The following CEP85L variants were observed in gnomAD, a reference collection of about 807,000 sequenced individuals.
CEP85L encodes centrosomal protein 85L.
A neutral mutation model predicts 100.3 loss-of-function variants in CEP85L; 60 were observed. The ratio of observed to expected loss-of-function variants is 0.60; its 90% CI spans 0.49 to 0.74. The LOEUF (loss-of-function observed/expected upper bound fraction) is 0.74, where lower values mean the gene tolerates loss of function less well. Ranked by LOEUF, CEP85L falls within the 30% of genes least tolerant of loss-of-function variation. CEP85L has a pLI of 0.00. For synonymous variants in CEP85L, 319 were observed against 322.7 expected (o/e 0.99, Z 0.12); for missense variants, 973 against 936.2 (o/e 1.04, Z -0.51).
chr6:118,580,841 T>C (rs1463271607), intron 2 of CEP85L, among the ~76,000 whole-genome samples: 1 of 152,202 alleles, frequency 6.6e-6, no homozygotes, highest in African/African-American at 2.4e-5. Context: ...TGTGTGGGAA[T>C]TTAGTAACCG....
At chr6:118,613,113 G>A (rs1272609627) in intron 2 of CEP85L, among the ~76,000 whole-genome samples, 1 of 152,134 alleles carries the variant, frequency 6.6e-6, no homozygotes, top group Middle Eastern at 3.2e-3. Context: ...TCAGGAGGCT[G>A]AGGCAAGAGA....
chr6:118,480,516 A>AT lies in CEP85L; in HGVS notation c.1746-4dup. ...ATCTTTCTACTTTTTGTTGCAAACT[A>AT]TTTCAAAAGACAATTATATGAAGAA... is the stretch of plus-strand genomic sequence containing the variant. On this transcript the variant is annotated splice_region_variant and splice_polypyrimidine_tract_variant and intron_variant, in intron 8 of 12. Transcript: ENST00000368491. 6.4e-7 allele frequency: 1 copy of AT among 1,559,914 alleles called. No individual in the cohort carries two copies. The highest frequency in any genetic ancestry group is 8.8e-7 in the Non-Finnish European group (1 of 1,134,412).
intron 4 of CEP85L, among the ~76,000 whole-genome samples, chr6:118,516,096 T>G (rs1448492509): frequency 1.3e-5 from 2 of 152,200 alleles, no homozygotes; most frequent in Non-Finnish European, 2.9e-5. Context: ...TTTTTATGGC[T>G]GGGCATAGTA....
upstream of CEP85L, chr6:118,657,246 G>GT (rs1188341054): frequency 6.6e-6 from 1 of 152,378 alleles, no homozygotes; most frequent in East Asian, 1.9e-4. Context: ...AAGGCAGCAT[G>GT]TAGCAGCATA....
At chr6:118,539,754 C>G (rs377048463) in intron 3 of CEP85L, among the ~76,000 whole-genome samples, 4 of 151,870 alleles carry the variant, frequency 2.6e-5, no homozygotes, top group South Asian at 4.1e-4. Context: ...CTCCCTCCCC[C>G]CAAAAAAAGA....
chr6:118,599,853 T>C (rs930629404), intron 2 of CEP85L, among the ~76,000 whole-genome samples: 5 of 152,130 alleles, frequency 3.3e-5, no homozygotes, highest in East Asian at 1.9e-4. Context: ...CTATAAAATA[T>C]TTGACTAGTT....
chr6:118,469,281 G>A lies in CEP85L; in HGVS notation c.2045C>T (p.Thr682Ile). 2 of 1,613,740 alleles carry A rather than the reference G, an allele frequency of 1.2e-6. No individual in the cohort carries two copies. The highest frequency in any genetic ancestry group is 1.7e-6 in the Non-Finnish European group (2 of 1,179,708). The change falls in exon 12 of 13, where the codon ACA becomes ATA. Residue 682 changes from threonine to isoleucine, a missense_variant. By Grantham distance (89) the Thr-to-Ile change is moderately conservative. Around this residue, in one of 3 missense-constraint regions of CEP85L, gnomAD observed 890 missense variants for 844.5 expected, o/e 1.05. Coordinates refer to ENST00000368491, the MANE Select transcript of CEP85L (RefSeq NM_001042475.3). ...LLENQRQTDE[T>I]CSLLDQGQEP... ...CTGGCCCTGATCCAATAAAGAGCAT[G>A]TCTCATCTGTTTGTCTTTGGTTCTG...
At chr6:118,648,739 CA>C (rs11442696) in intron 1 of CEP85L, among the ~76,000 whole-genome samples, 2,963 of 73,288 alleles carry the variant, frequency 0.04, 66 homozygotes, top group East Asian at 0.19. Context: ...AAGACTGTCT[CA>C]AAAAAAAAAA....
chr6:118,606,540 T>C (rs1404767406), intron 2 of CEP85L, among the ~76,000 whole-genome samples: 1 of 152,256 alleles, frequency 6.6e-6, no homozygotes, highest in Non-Finnish European at 1.5e-5. Flanking sequence ...ATATGATTTT[T>C]AGAGCTAACT....
chr6:118,539,494 G>A (rs1335531855), intron 3 of CEP85L, among the ~76,000 whole-genome samples: 1 of 152,204 alleles, frequency 6.6e-6, no homozygotes, highest in Non-Finnish European at 1.5e-5. Context: ...GTCATTAAGT[G>A]ACAAATATGT....
At chr6:118,479,974 A>T in intron 9 of CEP85L, 53 bp from the exon 10 acceptor site, 2 of 897,292 alleles carry the variant, frequency 2.2e-6, no homozygotes, top group Non-Finnish European at 3.4e-6. Context: ...CGCTTCTTAA[A>T]AGTACCAACA....
intron 2 of CEP85L, among the ~76,000 whole-genome samples, chr6:118,590,194 T>C (rs1781105617): frequency 6.6e-6 from 1 of 152,104 alleles, no homozygotes; most frequent in Admixed American, 6.5e-5. Flanking sequence ...ACTCCCCTCA[T>C]CTGATTCCCC....
chr6:118,523,200 C>T (rs1197601398), intron 4 of CEP85L, among the ~76,000 whole-genome samples: 10 of 152,034 alleles, frequency 6.6e-5, no homozygotes, highest in Non-Finnish European at 1.3e-4. Context: ...GTAGAATATA[C>T]GTTAAAGAAA....
chr6:118,696,135 G>A (rs370109265), intron 1 of CEP85L, among the ~76,000 whole-genome samples: 33 of 152,078 alleles, frequency 2.2e-4, no homozygotes, highest in Admixed American at 1.3e-4. Flanking sequence ...GCCTGATGTG[G>A]TGGCACATGC....
chr6:118,699,404 G>A (rs115459317), intron 1 of CEP85L, among the ~76,000 whole-genome samples: 4,540 of 150,108 alleles, frequency 0.03, 231 homozygotes, highest in African/African-American at 0.1. Flanking sequence ...GTAGTGAGCC[G>A]TGATCACACC....
At chr6:118,700,251 G>A (rs1324886646) in intron 1 of CEP85L, among the ~76,000 whole-genome samples, 6 of 152,222 alleles carry the variant, frequency 3.9e-5, no homozygotes, top group East Asian at 1.9e-4. Context: ...GGGAATAAGC[G>A]TGTAGTTCAC....
At chr6:118,546,608 T>C (rs1185050297) in intron 3 of CEP85L, among the ~76,000 whole-genome samples, 1 of 152,176 alleles carries the variant, frequency 6.6e-6, no homozygotes, top group African/African-American at 2.4e-5. Context: ...ATTCAAATTA[T>C]AATTTTTTCC....
At chr6:118,591,368 T>C (rs1781180231) in intron 2 of CEP85L, among the ~76,000 whole-genome samples, 1 of 152,124 alleles carries the variant, frequency 6.6e-6, no homozygotes, top group Non-Finnish European at 1.5e-5. Context: ...GTGTGGCAGA[T>C]GAAAAACTGA....
intron 3 of CEP85L, among the ~76,000 whole-genome samples, chr6:118,545,858 C>A (rs570486453): frequency 6.6e-6 from 1 of 152,158 alleles, no homozygotes; most frequent in African/African-American, 2.4e-5. Context: ...TCACTATGTA[C>A]ACTTCATGTC....
Sources: allele counts gnomAD v4.1 joint callset (sites outside exome capture counted in the v4.1 genomes callset), GRCh38; gene constraint gnomAD v4.1.1; regional missense constraint gnomAD v4.1.1; transcripts MANE v1.5; gene names NCBI Gene and HGNC (gene_info 2026-07-23, HGNC 2026-07-21).